INVS: variants seen among roughly 807,000 people sequenced by gnomAD.
INVS encodes the protein inversin.
A neutral mutation model predicts 108.8 loss-of-function variants in INVS; 86 were observed. The observed-to-expected ratio is 0.79, with a 90% CI of 0.66 to 0.95. The LOEUF (loss-of-function observed/expected upper bound fraction) is 0.95. INVS is among the 40% of genes least tolerant of loss of function. The pLI is 0.00. For missense variants in INVS, 1,169 were observed against 1,297.4 expected, an observed-to-expected ratio of 0.90 and a Z score of 1.52; for synonymous variants, 455 against 473.5, an observed-to-expected ratio of 0.96 and a Z score of 0.51.
chr9:100,258,355 C>T (rs79121928), intron 10 of INVS, among the ~76,000 whole-genome samples: 45,498 of 152,052 alleles, frequency 0.3, 7,964 homozygotes, highest in Non-Finnish European at 0.41. Flanking sequence ...CGAACATGCT[C>T]CTTTAGCTCG....
At chr9:100,139,442 A>G (rs1033902284) in intron 3 of INVS, among the ~76,000 whole-genome samples, 3 of 152,204 alleles carry the variant, frequency 2.0e-5, no homozygotes, top group African/African-American at 7.2e-5. Context: ...TCCCTCAAAT[A>G]TTTGTCTCTA....
chr9:100,184,689 A>G (rs1225282307), intron 3 of INVS, among the ~76,000 whole-genome samples: 1 of 152,116 alleles, frequency 6.6e-6, no homozygotes, highest in Non-Finnish European at 1.5e-5. Context: ...ATGACTTCGT[A>G]TATAGGCTAC....
At chr9:100,292,260 G>T in intron 13 of INVS, 66 bp from the exon 14 acceptor site, 2 of 1,358,622 alleles carry the variant, frequency 1.5e-6, no homozygotes, top group South Asian at 2.3e-5. Flanking sequence ...TATTTTATGT[G>T]AACATATTAG....
At chr9:100,138,863 C>G (rs562400048) in intron 3 of INVS, among the ~76,000 whole-genome samples, 2 of 150,334 alleles carry the variant, frequency 1.3e-5, no homozygotes, top group African/African-American at 5.0e-5. Flanking sequence ...CCTGCCACCA[C>G]GCCTGGATAA....
chr9:100,256,721 T>A (rs934558525), intron 10 of INVS, among the ~76,000 whole-genome samples: 2 of 152,126 alleles, frequency 1.3e-5, no homozygotes, highest in Non-Finnish European at 2.9e-5. Flanking sequence ...TGTAGTTGAG[T>A]GGTTTTGAGT....
chr9:100,252,948 C>G lies in INVS; in HGVS notation c.1276C>G (p.Leu426Val). 6.2e-7 allele frequency: 1 copy of G among 1,613,566 alleles called. No homozygotes were observed. Among genetic ancestry groups the G allele is most frequent in the Non-Finnish European group, 8.5e-7 (1 of 1,179,762 alleles). ...TCTAGTTGACCAAGATGGACATTCT[C>G]TTCTACATTGGGCAGCACTGGGAGG... is the stretch of plus-strand genomic sequence containing the variant. The part of the protein sequence containing the change: ...VDLVDQDGHS[L>V]LHWAALGGNA... The change falls in exon 10 of 17, where the codon CTT becomes GTT. Residue 426 changes from leucine (L) to valine (V), a missense_variant. Physicochemically the swap from Leu to Val is conservative, Grantham distance 32. This residue lies in a region of INVS where 271 missense variants were observed against 363.8 expected (regional missense o/e 0.74). Coordinates refer to ENST00000262457, the MANE Select transcript of INVS (RefSeq NM_014425.5).
intron 13 of INVS, among the ~76,000 whole-genome samples, chr9:100,286,225 A>C (rs1833436823): frequency 6.6e-6 from 1 of 152,200 alleles, no homozygotes; most frequent in Non-Finnish European, 1.5e-5. Flanking sequence ...GCCACTCATT[A>C]ATCTAGCCAA....
intron 2 of INVS, among the ~76,000 whole-genome samples, chr9:100,106,470 C>A (rs1827186290): frequency 1.3e-5 from 2 of 152,160 alleles, no homozygotes; most frequent in South Asian, 4.1e-4. Flanking sequence ...CCATTTTCAA[C>A]TTTCCCTCAC....
At chr9:100,184,522 T>C (rs969012825) in intron 3 of INVS, among the ~76,000 whole-genome samples, 4 of 152,192 alleles carry the variant, frequency 2.6e-5, no homozygotes, top group Non-Finnish European at 4.4e-5. Flanking sequence ...CATTGTAGTA[T>C]TTAACATATA....
At chr9:100,297,881 T>A (rs1407122489) in intron 15 of INVS, 55 bp from the exon 16 acceptor site, 4 of 1,586,030 alleles carry the variant, frequency 2.5e-6, no homozygotes, top group Non-Finnish European at 2.6e-6. Flanking sequence ...CAGAAGTTGG[T>A]CAGGCCAAAC....
chr9:100,239,212 T>C (rs929583624), intron 5 of INVS, among the ~76,000 whole-genome samples: 1 of 152,082 alleles, frequency 6.6e-6, no homozygotes, highest in Admixed American at 6.5e-5. Context: ...TTGTCTGTAA[T>C]AGTGAAAAAA....
chr9:100,297,790 T>G (rs761870877), intron 15 of INVS, 146 bp from the exon 16 acceptor site: 40 of 780,868 alleles, frequency 5.1e-5, no homozygotes, highest in Admixed American at 2.4e-4. Context: ...GACTTTACCC[T>G]GGGCCTACAT....
chr9:100,269,346 A>G (rs1832881826), intron 11 of INVS, among the ~76,000 whole-genome samples: 1 of 151,600 alleles, frequency 6.6e-6, no homozygotes, highest in African/African-American at 2.4e-5. Context: ...ACAGTCAAGA[A>G]AGGCATTTTA....
chr9:100,244,988 T>C, intron 7 of INVS, among the ~76,000 whole-genome samples: 1 of 152,236 alleles, frequency 6.6e-6, no homozygotes, highest in East Asian at 1.9e-4. Flanking sequence ...CCTACATTTC[T>C]TCATCAGTAA....
At chr9:100,106,355 A>G (rs1479384360) in intron 2 of INVS, among the ~76,000 whole-genome samples, 1 of 151,984 alleles carries the variant, frequency 6.6e-6, no homozygotes, top group Admixed American at 6.6e-5. Flanking sequence ...TATATCTTCA[A>G]CCTTTCTTCT....
In INVS at chr9:100,302,138, C is replaced by CAAAT. The variant is rs1564198713; in HGVS notation, c.*1467_*1470dup. On this transcript the variant is annotated 3_prime_UTR_variant, in exon 17 of 17. Transcript: ENST00000262457. ...GATCTATTACATCAGTCTTTTTCTT[C>CAAAT]AAATAAGATAGATGTGAATAAACAA... The CAAAT allele has an allele frequency of 1.8e-6, 2 of 1,100,022 alleles. No individual in the cohort carries two copies. Among genetic ancestry groups the CAAAT allele is most frequent in the South Asian group, 2.1e-5 (1 of 48,380 alleles). The allele number at this position is 1,100,022 out of a possible 1,614,324, so 68.1% of individuals were successfully genotyped here.
At chr9:100,174,848 G>T (rs1286989635) in intron 3 of INVS, among the ~76,000 whole-genome samples, 1 of 152,132 alleles carries the variant, frequency 6.6e-6, no homozygotes, top group African/African-American at 2.4e-5. Context: ...GGAGGAGGAG[G>T]TTGCAGTGAG....
chr9:100,219,881 G>GATATATATAT (rs61219577), intron 3 of INVS, among the ~76,000 whole-genome samples: 7 of 148,088 alleles, frequency 4.7e-5, no homozygotes, highest in South Asian at 2.2e-4. Context: ...GTCGTTTATG[G>GATATATATAT]ATATATATAT....
chr9:100,178,706 G>A (rs1829791237), intron 3 of INVS, among the ~76,000 whole-genome samples: 1 of 152,142 alleles, frequency 6.6e-6, no homozygotes. Context: ...AACCAAATTG[G>A]AAAACACTCT....
Sources: allele counts gnomAD v4.1 joint callset (sites outside exome capture counted in the v4.1 genomes callset), GRCh38; gene constraint gnomAD v4.1.1; regional missense constraint gnomAD v4.1.1; transcripts MANE v1.5; gene names NCBI Gene and HGNC (gene_info 2026-07-23, HGNC 2026-07-21).